Variants in KCNMB2 observed in about 807,000 individuals in gnomAD.
KCNMB2 encodes calcium-activated potassium channel subunit beta-2.
KCNMB2 carries 9 observed loss-of-function variants against 24.5 expected under a neutral mutation model. The ratio of observed to expected loss-of-function variants is 0.37; its 90% confidence interval spans 0.22 to 0.64. KCNMB2 has a LOEUF of 0.64. Among genes scored for constraint, KCNMB2 ranks in the 30% least tolerant of loss-of-function variants. KCNMB2 has a pLI of 0.63. For missense variants in KCNMB2, 226 were observed against 284.3 expected, an observed-to-expected ratio of 0.79 and a Z score of 1.47; for synonymous variants, 109 against 104.4, an observed-to-expected ratio of 1.04 and a Z score of -0.27.
intron 4 of KCNMB2, among the ~76,000 whole-genome samples, chr3:178,831,485 G>C (rs1715055252): frequency 6.6e-6 from 1 of 152,086 alleles, no homozygotes; most frequent in Non-Finnish European, 1.5e-5. Context: ...CAAAGATATG[G>C]AATCAACCTA....
At chr3:178,732,184 A>G (rs1232588253) in intron 1 of KCNMB2, among the ~76,000 whole-genome samples, 1 of 152,222 alleles carries the variant, frequency 6.6e-6, no homozygotes. Context: ...TATACTAAGG[A>G]ATTATTAAAA....
At chr3:178,701,512 G>A (rs549156745) in intron 1 of KCNMB2, among the ~76,000 whole-genome samples, 100 of 152,150 alleles carry the variant, frequency 6.6e-4, no homozygotes, top group African/African-American at 2.2e-3. Context: ...TTGGTAGCTT[G>A]ATGGGGATGG....
intron 1 of KCNMB2, among the ~76,000 whole-genome samples, chr3:178,671,843 A>G (rs1720909580): frequency 6.6e-6 from 1 of 152,162 alleles, no homozygotes; most frequent in Admixed American, 6.6e-5. Context: ...TAATACAATA[A>G]TGTAATCATT....
At chr3:178,643,532 G>A (rs1577068064) in intron 1 of KCNMB2, among the ~76,000 whole-genome samples, 1 of 152,242 alleles carries the variant, frequency 6.6e-6, no homozygotes, top group Admixed American at 6.5e-5. Context: ...GAGGAAGGGT[G>A]CATGAGACTT....
At chr3:178,546,010 G>A (rs142907575) in intron 1 of KCNMB2, among the ~76,000 whole-genome samples, 2 of 152,182 alleles carry the variant, frequency 1.3e-5, no homozygotes, top group Non-Finnish European at 2.9e-5. Flanking sequence ...GATAACTCAA[G>A]GTAACTGTTT....
chr3:178,702,769 C>A (rs1722147123), intron 1 of KCNMB2, among the ~76,000 whole-genome samples: 1 of 151,050 alleles, frequency 6.6e-6, no homozygotes, highest in Admixed American at 6.6e-5. Context: ...AATCTTTGTT[C>A]ATGGAAGCAG....
At chr3:178,733,080 A>G (rs1056468484) in intron 1 of KCNMB2, among the ~76,000 whole-genome samples, 6 of 152,224 alleles carry the variant, frequency 3.9e-5, no homozygotes, top group African/African-American at 1.4e-4. Flanking sequence ...CCATAATAAA[A>G]AGTCATAAAA....
chr3:178,743,552 A>C (rs1208524194), intron 1 of KCNMB2, among the ~76,000 whole-genome samples: 1 of 152,238 alleles, frequency 6.6e-6, no homozygotes, highest in East Asian at 1.9e-4. Flanking sequence ...CTGCAAGCAC[A>C]AATGGACCTG....
intron 1 of KCNMB2, among the ~76,000 whole-genome samples, chr3:178,621,968 C>T (rs1167942536): frequency 6.6e-6 from 1 of 152,208 alleles, no homozygotes; most frequent in Admixed American, 6.5e-5. Flanking sequence ...GCCTTTGCCA[C>T]TTACTAGCTG....
intron 1 of KCNMB2, among the ~76,000 whole-genome samples, chr3:178,749,973 G>A (rs933757369): frequency 6.6e-6 from 1 of 152,184 alleles, no homozygotes; most frequent in African/African-American, 2.4e-5. Flanking sequence ...TCTTTCCCAT[G>A]GGCATGGACA....
intron 1 of KCNMB2, among the ~76,000 whole-genome samples, chr3:178,638,401 C>G (rs576312990): frequency 6.6e-6 from 1 of 151,964 alleles, no homozygotes; most frequent in South Asian, 2.1e-4. Context: ...GTTTTTATTC[C>G]CCTCTAGATT....
intron 1 of KCNMB2, among the ~76,000 whole-genome samples, chr3:178,552,757 A>G (rs761448769): frequency 1.3e-5 from 2 of 152,212 alleles, no homozygotes; most frequent in South Asian, 2.1e-4. Context: ...ACAATCTATT[A>G]TTCTAAAATT....
chr3:178,640,411 A>T (rs1719681373), intron 1 of KCNMB2, among the ~76,000 whole-genome samples: 1 of 152,082 alleles, frequency 6.6e-6, no homozygotes. Flanking sequence ...ACTTTTAAAC[A>T]ACCAGATCTT....
chr3:178,834,925 C>A (rs149936074), intron 4 of KCNMB2, among the ~76,000 whole-genome samples: 2 of 151,722 alleles, frequency 1.3e-5, no homozygotes, highest in African/African-American at 4.8e-5. Flanking sequence ...GGGGAAGGAA[C>A]CTAGTGCTTT....
At chr3:178,790,165 G>A (rs1434299327) in intron 1 of KCNMB2, among the ~76,000 whole-genome samples, 1 of 151,920 alleles carries the variant, frequency 6.6e-6, no homozygotes, top group Non-Finnish European at 1.5e-5. Flanking sequence ...GGGCCAGAAG[G>A]GAACCTACTG....
At chr3:178,724,251 C>T (rs184634258) in intron 1 of KCNMB2, among the ~76,000 whole-genome samples, 4 of 150,912 alleles carry the variant, frequency 2.7e-5, no homozygotes, top group East Asian at 1.9e-4. Context: ...ATTTCTCTGA[C>T]GATTAGTGAT....
intron 1 of KCNMB2, among the ~76,000 whole-genome samples, chr3:178,600,545 T>C (rs965239839): frequency 5.9e-5 from 9 of 152,188 alleles, no homozygotes; most frequent in African/African-American, 2.2e-4. Flanking sequence ...AAAAAGCAGC[T>C]TTATCTATTT....
chr3:178,596,206 C>A (rs1335627789), intron 1 of KCNMB2, among the ~76,000 whole-genome samples: 1 of 152,130 alleles, frequency 6.6e-6, no homozygotes, highest in African/African-American at 2.4e-5. Context: ...CCTACTCACA[C>A]ATTCCCATGC....
chr3:178,816,846 G>A (rs1456754524), intron 2 of KCNMB2, among the ~76,000 whole-genome samples: 1 of 152,010 alleles, frequency 6.6e-6, no homozygotes, highest in East Asian at 1.9e-4. Context: ...TCAATAAAAA[G>A]GCCAGTACTT....
Sources: gnomAD v4.1 joint callset for allele counts (sites outside exome capture counted in the v4.1 genomes callset) on GRCh38, gnomAD v4.1.1 for gene constraint, MANE v1.5 for transcripts, NCBI Gene and HGNC (gene_info 2026-07-23, HGNC 2026-07-21) for gene names.